The following GPHN variants were observed in gnomAD, a reference collection of about 807,000 sequenced individuals.
GPHN encodes gephyrin.
In GPHN, 17 loss-of-function variants were observed where a neutral mutation model predicts 95.5. That is an observed-to-expected ratio of 0.18 (90% CI 0.12 to 0.27). The LOEUF is 0.27. Among genes scored for constraint, GPHN ranks in the 10% least tolerant of loss-of-function variants. GPHN has a pLI of 1.00. For missense variants in GPHN, 660 were observed against 978.1 expected, an observed-to-expected ratio of 0.67 and a Z score of 4.34; for synonymous variants, 320 against 322.5, an observed-to-expected ratio of 0.99 and a Z score of 0.08.
At chr14:66,904,894 G>A (rs148114838) in intron 5 of GPHN, among the ~76,000 whole-genome samples, 10 of 152,216 alleles carry the variant, frequency 6.6e-5, no homozygotes, top group Admixed American at 6.5e-4. Context: ...GTATGCCTTG[G>A]AGTAGTCTTA....
intron 20 of GPHN, among the ~76,000 whole-genome samples, chr14:67,167,179 C>T (rs1020072365): frequency 3.9e-5 from 6 of 152,088 alleles, no homozygotes; most frequent in African/African-American, 1.4e-4. Flanking sequence ...CCATAATCCC[C>T]CAACACCCAC....
the GPHN span, among the ~76,000 whole-genome samples, chr14:67,706,847 G>A: frequency 0.13 from 19,216 of 152,152 alleles, 1,478 homozygotes; most frequent in South Asian, 0.33. Context: ...ATCTCTCTTG[G>A]TTAGGATGGT....
chr14:67,329,835 A>AAAATAAAT, the GPHN span, among the ~76,000 whole-genome samples: 76 of 96,946 alleles, frequency 7.8e-4, no homozygotes, highest in African/African-American at 1.1e-3. Flanking sequence ...CTTGGTCTCA[A>AAAATAAAT]AAATAAATAA....
chr14:67,314,880 C>T, the GPHN span, among the ~76,000 whole-genome samples: 1 of 151,978 alleles, frequency 6.6e-6, no homozygotes, highest in East Asian at 1.9e-4. Flanking sequence ...TGCTTGAGCC[C>T]AGGAGTTTGA....
the GPHN span, among the ~76,000 whole-genome samples, chr14:67,380,203 T>C: frequency 2.0e-5 from 3 of 152,236 alleles, no homozygotes; most frequent in Admixed American, 2.0e-4. Context: ...CCTGTGGCAC[T>C]TAGGAGGGTC....
the GPHN span, among the ~76,000 whole-genome samples, chr14:67,680,037 G>A: frequency 6.6e-6 from 1 of 152,170 alleles, no homozygotes; most frequent in East Asian, 1.9e-4. Flanking sequence ...CCAGCAGCAG[G>A]AGCATCAACT....
At chr14:66,681,587 A>G (rs568240097) in intron 2 of GPHN, among the ~76,000 whole-genome samples, 38 of 152,242 alleles carry the variant, frequency 2.5e-4, no homozygotes, top group African/African-American at 7.0e-4. Flanking sequence ...GTTATTTGTT[A>G]TAACAATATA....
the GPHN span, among the ~76,000 whole-genome samples, chr14:67,489,802 A>AAT: frequency 1.3e-5 from 2 of 152,176 alleles, no homozygotes; most frequent in Non-Finnish European, 2.9e-5. Flanking sequence ...CATCCTGGCT[A>AAT]ACATGGTGAA....
the GPHN span, among the ~76,000 whole-genome samples, chr14:67,665,893 G>GTA: frequency 6.6e-6 from 1 of 152,182 alleles, no homozygotes; most frequent in South Asian, 2.1e-4. Context: ...ATGGCAAATG[G>GTA]TATGACTCTT....
intron 8 of GPHN, among the ~76,000 whole-genome samples, chr14:66,957,790 G>A (rs561919199): frequency 2.4e-3 from 372 of 152,232 alleles, no homozygotes; most frequent in Non-Finnish European, 3.1e-3. Flanking sequence ...GAAGCGGTCC[G>A]CACAGTGGGA....
At chr14:67,573,803 T>A in the GPHN span, 2 of 1,607,242 alleles carry the variant, frequency 1.2e-6, no homozygotes, top group Non-Finnish European at 1.7e-6. The surrounding 1 kb of genome is among the most constrained non-coding windows in gnomAD (Gnocchi z 4.8). Flanking sequence ...CTTTACAGAG[T>A]GATGTCATCC....
At chr14:66,678,157 C>T (rs1566804290) in intron 1 of GPHN, among the ~76,000 whole-genome samples, 1 of 152,086 alleles carries the variant, frequency 6.6e-6, no homozygotes. Context: ...AGTTGTCAGC[C>T]ATTATTTTAC....
chr14:67,354,301 CA>C, the GPHN span, among the ~76,000 whole-genome samples: 1 of 152,012 alleles, frequency 6.6e-6, no homozygotes, highest in African/African-American at 2.4e-5. Flanking sequence ...TTTATGATGC[CA>C]ACATAGTTTA....
At chr14:67,391,599 G>A in the GPHN span, among the ~76,000 whole-genome samples, 5,195 of 152,300 alleles carry the variant, frequency 0.034, 109 homozygotes, top group East Asian at 0.06. Flanking sequence ...GCCGAGCCGT[G>A]TAGGTGCCCT....
intron 2 of GPHN, among the ~76,000 whole-genome samples, chr14:66,774,169 C>CT (rs996062061): frequency 2.0e-4 from 30 of 151,306 alleles, no homozygotes; most frequent in Non-Finnish European, 3.8e-4. Context: ...CACCCGGCTA[C>CT]TTTTTTGTAT....
chr14:67,491,891 C>T, the GPHN span, among the ~76,000 whole-genome samples: 1 of 152,174 alleles, frequency 6.6e-6, no homozygotes, highest in Non-Finnish European at 1.5e-5. Flanking sequence ...GAGGCCCAGG[C>T]CGCGGGGGCC....
chr14:67,198,090 T>C, the GPHN span: 1 of 1,530,232 alleles, frequency 6.5e-7, no homozygotes, highest in Non-Finnish European at 8.8e-7. Context: ...TTAATTATGA[T>C]ATTAAATTCT....
chr14:66,663,828 A>C (rs928441975), intron 1 of GPHN, among the ~76,000 whole-genome samples: 1 of 128,068 alleles, frequency 7.8e-6, no homozygotes, highest in Non-Finnish European at 1.5e-5. Context: ...CAGGGGTTGC[A>C]ATCCTGTTCT....
chr14:67,395,899 G>C, the GPHN span, among the ~76,000 whole-genome samples: 1 of 152,104 alleles, frequency 6.6e-6, no homozygotes, highest in Non-Finnish European at 1.5e-5. Flanking sequence ...CCCCTACACT[G>C]AAGAGGGAAA....
Sources: gnomAD v4.1 joint callset for allele counts (sites outside exome capture counted in the v4.1 genomes callset) on GRCh38, gnomAD v4.1.1 for gene constraint, Gnocchi (gnomAD v3.1) non-coding constraint, MANE v1.5 for transcripts, NCBI Gene and HGNC (gene_info 2026-07-23, HGNC 2026-07-21) for gene names.